Variants in TNFSF4 observed in about 807,000 individuals in gnomAD.
TNFSF4 encodes TNF superfamily member 4, also known as tumor necrosis factor ligand superfamily member 4.
A neutral mutation model predicts 7.3 loss-of-function variants in TNFSF4; 4 were observed. That is an observed-to-expected ratio of 0.55 (90% CI 0.27 to 1.25). The LOEUF (loss-of-function observed/expected upper bound fraction) is 1.25. TNFSF4 is among the 50% of genes most tolerant of loss of function. The pLI, the probability that TNFSF4 is intolerant of heterozygous loss-of-function variation, is 0.12. For synonymous variants in TNFSF4, 76 were observed against 83.7 expected (o/e 0.91, Z 0.50); for missense variants, 181 against 208.8 (o/e 0.87, Z 0.82).
chr1:173,419,706 A>G, the TNFSF4 span, among the ~76,000 whole-genome samples: 1 of 152,162 alleles, frequency 6.6e-6, no homozygotes, highest in African/African-American at 2.4e-5. Context: ...TGAGGACACA[A>G]GGGAGAATAA....
chr1:173,419,066 G>A, the TNFSF4 span, among the ~76,000 whole-genome samples: 92 of 152,350 alleles, frequency 6.0e-4, no homozygotes, highest in South Asian at 0.019. Flanking sequence ...CTGGCCGGGT[G>A]CTGTGGCTCA....
chr1:173,210,497 A>G (rs990394414), upstream of TNFSF4, among the ~76,000 whole-genome samples: 1 of 152,130 alleles, frequency 6.6e-6, no homozygotes, highest in African/African-American at 2.4e-5. Flanking sequence ...CTGAAGAGGA[A>G]GATGGTGAAG....
At chr1:173,444,035 A>G in the TNFSF4 span, among the ~76,000 whole-genome samples, 4 of 152,210 alleles carry the variant, frequency 2.6e-5, no homozygotes, top group Non-Finnish European at 5.9e-5. Context: ...ATCAGAAGAA[A>G]AGGGACAGGA....
the TNFSF4 span, among the ~76,000 whole-genome samples, chr1:173,249,528 T>C: frequency 6.6e-6 from 1 of 152,302 alleles, no homozygotes; most frequent in Middle Eastern, 3.4e-3. Flanking sequence ...CTTTTAGCAG[T>C]GCCACACCCA....
the TNFSF4 span, among the ~76,000 whole-genome samples, chr1:173,312,801 C>T: frequency 6.6e-6 from 1 of 152,118 alleles, no homozygotes; most frequent in African/African-American, 2.4e-5. Context: ...CACATGCTCA[C>T]AGGGCCCCCA....
At chr1:173,242,176 T>C in the TNFSF4 span, among the ~76,000 whole-genome samples, 54 of 152,272 alleles carry the variant, frequency 3.5e-4, 1 homozygote, top group Non-Finnish European at 6.0e-4. Context: ...TGGATAGCAC[T>C]CCAGGCCACA....
chr1:173,190,509 G>T (rs914118780), intron 1 of TNFSF4, among the ~76,000 whole-genome samples: 1 of 152,206 alleles, frequency 6.6e-6, no homozygotes, highest in African/African-American at 2.4e-5. Flanking sequence ...GGACTGGGCT[G>T]CAGGAACAAT....
At chr1:173,267,870 TGAGAG>T in the TNFSF4 span, among the ~76,000 whole-genome samples, 66 of 134,850 alleles carry the variant, frequency 4.9e-4, no homozygotes, top group African/African-American at 1.7e-3. Context: ...AGTGAGGAGA[TGAGAG>T]GAGAGGAGAG....
chr1:173,397,640 T>G, the TNFSF4 span, among the ~76,000 whole-genome samples: 3 of 152,168 alleles, frequency 2.0e-5, no homozygotes, highest in South Asian at 6.2e-4. Context: ...ACAGATATAG[T>G]CAGTAGCTGG....
the TNFSF4 span, among the ~76,000 whole-genome samples, chr1:173,230,553 A>C: frequency 6.6e-6 from 1 of 152,192 alleles, no homozygotes; most frequent in Admixed American, 6.5e-5. Flanking sequence ...TTCAAAAGCT[A>C]GCAGAAGACA....
At chr1:173,361,775 C>A in the TNFSF4 span, among the ~76,000 whole-genome samples, 1,165 of 152,302 alleles carry the variant, frequency 7.6e-3, 9 homozygotes, top group South Asian at 0.028. Context: ...GATCAAGCTA[C>A]AAACCTACTC....
chr1:173,310,459 C>T, the TNFSF4 span, among the ~76,000 whole-genome samples: 42 of 151,922 alleles, frequency 2.8e-4, no homozygotes, highest in African/African-American at 1.0e-3. Flanking sequence ...GATTTTTCAA[C>T]TTAACATTTT....
the TNFSF4 span, among the ~76,000 whole-genome samples, chr1:173,315,153 T>C: frequency 6.6e-6 from 1 of 152,194 alleles, no homozygotes; most frequent in Non-Finnish European, 1.5e-5. Context: ...GCTCTTCATC[T>C]GTGATTTGAA....
At chr1:173,175,152 T>C in the TNFSF4 span, 1 of 152,114 alleles carries the variant, frequency 6.6e-6, no homozygotes, top group East Asian at 1.9e-4. Context: ...AACAATCCTA[T>C]GAGATAATTT....
At chr1:173,213,928 T>C in the TNFSF4 span, among the ~76,000 whole-genome samples, 1 of 152,146 alleles carries the variant, frequency 6.6e-6, no homozygotes, top group Admixed American at 6.5e-5. Context: ...GGGGGTAGGG[T>C]GCCACTAGTA....
At chr1:173,387,284 G>C in the TNFSF4 span, among the ~76,000 whole-genome samples, 2 of 152,148 alleles carry the variant, frequency 1.3e-5, no homozygotes, top group African/African-American at 2.4e-5. Flanking sequence ...TTTAGGAGGT[G>C]ATTAGGCAAT....
the TNFSF4 span, among the ~76,000 whole-genome samples, chr1:173,416,981 A>G: frequency 3.2e-4 from 48 of 152,310 alleles, no homozygotes; most frequent in African/African-American, 1.2e-3. Flanking sequence ...TCTTTTAATC[A>G]TCACAATATG....
At chr1:173,201,170 G>A (rs998553491) in intron 1 of TNFSF4, among the ~76,000 whole-genome samples, 9 of 151,626 alleles carry the variant, frequency 5.9e-5, no homozygotes, top group Non-Finnish European at 1.2e-4. Flanking sequence ...CTCTGAGTAC[G>A]TAATTTTAGA....
chr1:173,205,978 G>T lies in TNFSF4; in HGVS notation c.153+1046C>A, dbSNP rs138587935. Among the ~76,000 whole-genome samples the T allele has an allele frequency of 1.0e-3, 159 of 152,272 alleles. 3 individuals are homozygous for T. Among genetic ancestry groups the T allele is most frequent in the Admixed American group, 9.6e-3 (147 of 15,284 alleles). Reference sequence around the variant, plus strand: ...CACACACACTCTTACCAGCCTCCATGCACTGAAAACCCTATTTCCTGTAGG... The same window carrying T: ...CACACACACTCTTACCAGCCTCCATTCACTGAAAACCCTATTTCCTGTAGG... On this transcript the variant is annotated intron_variant, in intron 1 of 2. Coordinates refer to ENST00000281834, the MANE Select transcript of TNFSF4 (RefSeq NM_003326.5).
Sources: allele counts gnomAD v4.1 joint callset (sites outside exome capture counted in the v4.1 genomes callset), GRCh38; gene constraint gnomAD v4.1.1; transcripts MANE v1.5; gene names NCBI Gene and HGNC (gene_info 2026-07-23, HGNC 2026-07-21).